The following TPCN2 variants were observed in gnomAD, a reference collection of about 807,000 sequenced individuals.
The protein encoded by TPCN2 is two pore channel protein 2.
Under a neutral mutation model 111.4 loss-of-function variants are expected in TPCN2, and 92 were observed. The ratio of observed to expected loss-of-function variants is 0.83; its 90% CI spans 0.70 to 0.98. The LOEUF is 0.98. Among genes scored for constraint, TPCN2 ranks in the 50% least tolerant of loss-of-function variants. The probability of loss-of-function intolerance (pLI) is 0.00; values close to 1 mark genes in which losing one functional copy is unlikely to be tolerated. For missense variants in TPCN2, 995 were observed against 980.1 expected, an observed-to-expected ratio of 1.02 and a Z score of -0.20; for synonymous variants, 405 against 414.5, an observed-to-expected ratio of 0.98 and a Z score of 0.28.
rs1565089102 is a variant in TPCN2 at position 69,072,642 on chromosome 11, C to T, written c.1077C>T (p.Pro359=). The T allele has an allele frequency of 6.2e-7, 1 of 1,613,722 alleles. No homozygotes were observed. Among genetic ancestry groups the T allele is most frequent in the Non-Finnish European group, 8.5e-7 (1 of 1,180,018 alleles). Residue 359 remains proline, a synonymous_variant, in exon 12 of 25, where the codon CCC becomes CCT. Transcript: ENST00000294309. ...GAFPQAVGVK[P]QNLLQVLQKV... ...TTCCCTGCAGAGTTGGGGTGAAGCC[C>T]CAGAACTTGCTGCAGGTGCTTCAGA... is the stretch of plus-strand genomic sequence containing the variant.
At chr11:69,086,434 GCTGTC>G in intron 22 of TPCN2, 84 bp from the exon 23 acceptor site, 1 of 1,087,350 alleles carries the variant, frequency 9.2e-7, no homozygotes, top group South Asian at 1.2e-5. Flanking sequence ...CTGCCCGAGA[GCTGTC>G]CTGGCCACGC....
intron 13 of TPCN2, among the ~76,000 whole-genome samples, chr11:69,074,424 G>A (rs899279472): frequency 2.0e-5 from 3 of 152,172 alleles, no homozygotes; most frequent in Non-Finnish European, 2.9e-5. Context: ...TGGGCAATGC[G>A]TTATCAACTT....
chr11:69,081,978 G>A (rs998281409), intron 18 of TPCN2, among the ~76,000 whole-genome samples: 4 of 152,106 alleles, frequency 2.6e-5, no homozygotes, highest in African/African-American at 9.7e-5. Context: ...TAGGAGCAAT[G>A]GGCACCTTAA....
In TPCN2 at chr11:69,071,414, C is replaced by A; in HGVS notation, c.954C>A (p.Tyr318Ter). 1 of 1,613,404 alleles carries A rather than the reference C, an allele frequency of 6.2e-7. No individual in the cohort carries two copies. The highest frequency in any genetic ancestry group is 8.5e-7 in the Non-Finnish European group (1 of 1,179,754). The change falls in exon 10 of 25, where the codon TAC (tyrosine) becomes TAA (stop). Residue 318 changes from tyrosine to a stop codon, truncating the protein, a stop_gained. Coordinates refer to ENST00000294309, the MANE Select transcript of TPCN2 (RefSeq NM_139075.4). LOFTEE classifies it high-confidence loss of function. ...TAIIYSQFRGYLMKSLQTSLF... is the reference protein window; with the variant it reads ...TAIIYSQFRG ...TCATCTACAGTCAGTTCCGGGGCTA[C>A]CTGATGGTGAGCGAGCTCCCCAATG...
At chr11:69,077,917 A>G (rs947163678) in intron 13 of TPCN2, among the ~76,000 whole-genome samples, 2 of 152,232 alleles carry the variant, frequency 1.3e-5, no homozygotes, top group Non-Finnish European at 2.9e-5. Context: ...CAGCGGGTGC[A>G]GGTCTCCTTG....
At position 69,089,739 on chromosome 11, in the gene TPCN2, G is replaced by A. The variant is rs1856384910; in HGVS notation, c.*1786G>A. ...TGAATGAGTGGGGAGGTAGTGTGAA[G>A]CGATGCCAATATCCCATCCCTGTCA... On this transcript the variant is annotated 3_prime_UTR_variant, in exon 25 of 25. Transcript: ENST00000294309. 1 of 152,250 alleles carries A rather than the reference G, an allele frequency of 6.6e-6. No individual in the cohort carries two copies. Among genetic ancestry groups the A allele is most frequent in the African/African-American group, 2.4e-5 (1 of 41,462 alleles). 9.4% of individuals were successfully genotyped at this position (152,250 alleles called of 1,614,324 possible).
intron 7 of TPCN2, among the ~76,000 whole-genome samples, chr11:69,065,117 TGTGTGC>T (rs911645985): frequency 3.3e-5 from 5 of 152,184 alleles, no homozygotes; most frequent in Non-Finnish European, 7.4e-5. Flanking sequence ...TCTGTATGGC[TGTGTGC>T]GTGTGCATGT....
At position 69,049,019 on chromosome 11, in the gene TPCN2, T is replaced by G; in HGVS notation, c.22T>G (p.Ser8Ala). ...CTGGATGGCGGAACCCCAGGCGGAG[T>G]CGGAGCCCCTGCTGGGCGGGGCCCG... Reference protein sequence around the residue: MAEPQAESEPLLGGARGG... With the variant: MAEPQAEAEPLLGGARGG... The change falls in exon 1 of 25, where the codon TCG (serine) becomes GCG (alanine). Residue 8 changes from serine to alanine, a missense_variant. Coordinates refer to ENST00000294309, the MANE Select transcript of TPCN2 (RefSeq NM_139075.4). 1.6e-6 allele frequency: 2 copies of G among 1,240,032 alleles called. No homozygotes were observed. The highest frequency in any genetic ancestry group is 2.0e-6 in the Non-Finnish European group (2 of 988,128). The allele number at this position is 1,240,032 out of a possible 1,614,324, so 76.8% of individuals were successfully genotyped here. A position where few individuals can be genotyped will look rare whatever the true frequency, so the allele number is the denominator to read the frequency against.
intron 1 of TPCN2, among the ~76,000 whole-genome samples, chr11:69,053,537 C>T (rs558885397): frequency 2.1e-4 from 32 of 152,056 alleles, no homozygotes; most frequent in Non-Finnish European, 4.3e-4. Flanking sequence ...CAGGTAGGGC[C>T]GAGCGGAAGA....
intron 24 of TPCN2, among the ~76,000 whole-genome samples, chr11:69,087,539 G>C (rs1360824239): frequency 1.3e-5 from 2 of 152,184 alleles, no homozygotes; most frequent in African/African-American, 4.8e-5. Context: ...TGGCAGCTTT[G>C]AGATGGTTCC....
In TPCN2 at chr11:69,049,027, C is replaced by T. The variant is rs572947303; in HGVS notation, c.30C>T (p.Pro10=). ...CGGAACCCCAGGCGGAGTCGGAGCC[C>T]CTGCTGGGCGGGGCCCGCGGCGGTG... MAEPQAESE[P]LLGGARGGGG... Residue 10 remains proline (P), a synonymous_variant, in exon 1 of 25, where the codon CCC becomes CCT. Coordinates refer to ENST00000294309, the MANE Select transcript of TPCN2 (RefSeq NM_139075.4). 205 of 1,241,310 alleles carry T rather than the reference C, an allele frequency of 1.7e-4. No homozygotes were observed. The African/African-American group carries it at 2.5e-3, about 15-fold the overall frequency. The allele number at this position is 1,241,310 out of a possible 1,614,324, so 76.9% of individuals were successfully genotyped here.
intron 13 of TPCN2, among the ~76,000 whole-genome samples, chr11:69,075,378 C>A (rs575871375): frequency 6.6e-6 from 1 of 152,328 alleles, no homozygotes; most frequent in Admixed American, 6.5e-5. Context: ...ACACATCCTT[C>A]CGTATACTTT....
At chr11:69,066,084 G>A (rs1457507578) in intron 7 of TPCN2, among the ~76,000 whole-genome samples, 2 of 152,144 alleles carry the variant, frequency 1.3e-5, no homozygotes, top group African/African-American at 2.4e-5. Flanking sequence ...GGACCTCAGC[G>A]TCTGTTAGGT....
rs117546751 is a variant in TPCN2 at position 69,066,213 on chromosome 11, C to T, written c.727-1290C>T. Among the ~76,000 whole-genome samples, 66 of 152,228 alleles carry T rather than the reference C, an allele frequency of 4.3e-4. 1 individual carries two copies. In the East Asian group the frequency reaches 8.1e-3, roughly 19 times the overall value. On this transcript the variant is annotated intron_variant, in intron 7 of 24. Transcript: ENST00000294309. ...GGGTGAGGGTGGGACGGGGGATGCC[C>T]GGGAGGCCTGGACCCAGTGCTGTGG...
Position 69,078,464 on chromosome 11 carries a change from C to T in TPCN2, c.1231-18C>T, listed in dbSNP as rs755144380. On this transcript the variant is annotated intron_variant, in intron 13 of 24. Transcript: ENST00000294309. ...GGCTGCTGGCCTGTGCTTCTGAGCA[C>T]GTGTGTTCCTTGCCCAGCACCCGCC... The T allele has an allele frequency of 1.3e-5, 21 of 1,613,780 alleles. No individual in the cohort carries two copies. The highest frequency in any genetic ancestry group is 2.2e-5 in the South Asian group (2 of 91,074).
intron 7 of TPCN2, among the ~76,000 whole-genome samples, chr11:69,065,858 C>T (rs1203688653): frequency 1.3e-5 from 2 of 152,146 alleles, no homozygotes; most frequent in African/African-American, 2.4e-5. Context: ...TCGGGTCCAT[C>T]GTCGCTGGTT....
chr11:69,080,728 TACCTC>T (rs776136557), intron 17 of TPCN2, among the ~76,000 whole-genome samples: 10 of 152,288 alleles, frequency 6.6e-5, no homozygotes, highest in East Asian at 1.9e-4. Flanking sequence ...CCCCAGAACT[TACCTC>T]AGGAAGGCAG....
chr11:69,052,848 AG>A (rs1861293030), intron 1 of TPCN2, among the ~76,000 whole-genome samples: 1 of 152,206 alleles, frequency 6.6e-6, no homozygotes, highest in Non-Finnish European at 1.5e-5. Context: ...GTGGGCCCCA[AG>A]GGGCCAGGTG....
At chr11:69,051,044 G>C (rs1049806324) in intron 1 of TPCN2, among the ~76,000 whole-genome samples, 3 of 152,358 alleles carry the variant, frequency 2.0e-5, no homozygotes, top group South Asian at 2.1e-4. Context: ...ACTCCGAAAG[G>C]CTCATTCAGT....
Sources: allele counts gnomAD v4.1 joint callset (sites outside exome capture counted in the v4.1 genomes callset), GRCh38; gene constraint gnomAD v4.1.1; transcripts MANE v1.5; gene names NCBI Gene and HGNC (gene_info 2026-07-23, HGNC 2026-07-21).